The following CLCN7 variants were observed in gnomAD, a reference collection of about 807,000 sequenced individuals.
CLCN7 encodes Cl-/H+ antiporter 7, also known as H(+)/Cl(-) exchange transporter 7.
Under a neutral mutation model 102.1 loss-of-function variants are expected in CLCN7, and 60 were observed. The observed-to-expected ratio is 0.59, with a 90% CI of 0.48 to 0.73. The LOEUF (loss-of-function observed/expected upper bound fraction) is 0.73, where lower values mean the gene tolerates loss of function less well. CLCN7 is among the 30% of genes least tolerant of loss of function. The pLI, the probability that CLCN7 is intolerant of heterozygous loss-of-function variation, is 0.00. For missense variants in CLCN7, 962 were observed against 1,125.7 expected (o/e 0.85, Z 2.08); for synonymous variants, 560 against 490.5 (o/e 1.14, Z -1.87).
chr16:1,461,881 T>G (rs1390527286), intron 2 of CLCN7, among the ~76,000 whole-genome samples: 1 of 151,746 alleles, frequency 6.6e-6, no homozygotes, highest in Non-Finnish European at 1.5e-5. Context: ...GGTCAGGAGT[T>G]CGAGACCAGC....
intron 1 of CLCN7, among the ~76,000 whole-genome samples, chr16:1,465,889 G>C (rs184933002): frequency 2.7e-4 from 41 of 152,352 alleles, no homozygotes; most frequent in Admixed American, 2.0e-3. Context: ...CCCCAGCTCA[G>C]GGCAGGGGCA....
In CLCN7 at chr16:1,448,400, G is replaced by A. The variant is rs773712824; in HGVS notation, c.1968C>T (p.Ser656=). The change falls in exon 21 of 25, where the codon TCC becomes TCT. Residue 656 remains serine (S), a synonymous_variant. Transcript: ENST00000382745. ...VIVDVLSDTA[S]NHNGFPVVEH... ...CCACCACGGGGAAGCCGTTGTGATT[G>A]GACGCCGTGTCGCTCAGCACGTCCA... 2.6e-5 allele frequency: 42 copies of A among 1,612,624 alleles called. No individual in the cohort carries two copies. Among genetic ancestry groups the A allele is most frequent in the South Asian group, 5.5e-5 (5 of 91,082 alleles).
chr16:1,473,856 C>T (rs1310628764), intron 1 of CLCN7, among the ~76,000 whole-genome samples: 2 of 151,864 alleles, frequency 1.3e-5, no homozygotes, highest in African/African-American at 2.4e-5. Flanking sequence ...GGCTGAGGTG[C>T]GGGGGATCAC....
In CLCN7 at chr16:1,464,845, C is replaced by T. The variant is rs1475909665; in HGVS notation, c.213+422G>A. Among the ~76,000 whole-genome samples the T allele has an allele frequency of 2.6e-5, 4 of 152,314 alleles. No individual in the cohort carries two copies. In the East Asian group the frequency reaches 5.8e-4, roughly 22 times the overall value. On this transcript the variant is annotated intron_variant, in intron 2 of 24. Transcript: ENST00000382745. ...GAGATGCCCCCGAGGGGAAGGAAGA[C>T]GAGCACGCTGCCGCTGAGCTCAGGA... is the stretch of plus-strand genomic sequence containing the variant.
chr16:1,464,959 C>T (rs2038984578), intron 2 of CLCN7, among the ~76,000 whole-genome samples: 1 of 131,060 alleles, frequency 7.6e-6, no homozygotes, highest in Non-Finnish European at 1.8e-5. Context: ...TCCTGGGGCT[C>T]CTCACTGCCC....
intron 19 of CLCN7, 37 bp from the exon 20 acceptor site, chr16:1,448,803 C>G: frequency 6.2e-7 from 1 of 1,604,636 alleles, no homozygotes; most frequent in African/African-American, 1.3e-5. Context: ...TTGAGGAGTC[C>G]ACACCCACCC....
At chr16:1,446,962 G>C (rs2038656784) in intron 24 of CLCN7, 44 bp downstream of exon 24, 6 of 1,503,150 alleles carry the variant, frequency 4.0e-6, no homozygotes, top group Non-Finnish European at 4.5e-6. Context: ...GAGGCAGAGG[G>C]GAGCCCTGCA....
Position 1,451,716 on chromosome 16 carries a change from G to C in CLCN7, c.1354C>G (p.Leu452Val), listed in dbSNP as rs781106093. The C allele has an allele frequency of 6.2e-7, 1 of 1,612,058 alleles. No homozygotes were observed. Among genetic ancestry groups the C allele is most frequent in the Non-Finnish European group, 8.5e-7 (1 of 1,179,664 alleles). The change falls in exon 16 of 25, where the codon CTC (leucine) becomes GTC (valine). Residue 452 changes from leucine to valine, a missense_variant and splice_region_variant. By Grantham distance (32) the Leu-to-Val change is conservative. Transcript: ENST00000382745. ...TTGTACTCGCCATCTGCACAAAAGA[G>C]CTGTGGGGTCGGGAGAGAGCACACG... ...QGGSMSYPLQ[L>V]FCADGEYNSM... is the part of the protein sequence containing the mutation.
intron 2 of CLCN7, among the ~76,000 whole-genome samples, chr16:1,462,665 C>CAAAAAAAAAAAAAAAAAAAA (rs67969666): frequency 8.3e-5 from 3 of 36,174 alleles, no homozygotes; most frequent in African/African-American, 7.9e-5. Flanking sequence ...AAAAAAAAGC[C>CAAAAAAAAAAAAAAAAAAAA]AAAAAAAAAA....
intron 18 of CLCN7, 36 bp downstream of exon 18, chr16:1,449,240 G>A (rs1476564768): frequency 1.3e-6 from 2 of 1,571,522 alleles, no homozygotes; most frequent in Non-Finnish European, 8.6e-7. Context: ...AGACCCCGTG[G>A]AGCTCCCCAC....
chr16:1,454,989 G>A (rs1376466395), intron 12 of CLCN7, 145 bp downstream of exon 12: 5 of 674,608 alleles, frequency 7.4e-6, no homozygotes, highest in Middle Eastern at 2.5e-4. Flanking sequence ...AGCCCCTCGG[G>A]GCCCTGGAGC....
At chr16:1,465,238 C>T (rs375944797) in intron 2 of CLCN7, 29 bp downstream of exon 2, 71 of 1,602,146 alleles carry the variant, frequency 4.4e-5, no homozygotes, top group African/African-American at 3.1e-4. Flanking sequence ...GCTAGCTCTG[C>T]GGGAGGACGG....
chr16:1,446,149 G>A lies in CLCN7; in HGVS notation c.*482C>T. The A allele has an allele frequency of 1.7e-6, 1 of 603,300 alleles. No individual in the cohort carries two copies. Among genetic ancestry groups the A allele is most frequent in the Non-Finnish European group, 2.9e-6 (1 of 339,924 alleles). The allele number at this position is 603,300 out of a possible 1,614,324, so 37.4% of individuals were successfully genotyped here. A position where few individuals can be genotyped will look rare whatever the true frequency, so the allele number is the denominator to read the frequency against. ...CAGGCCCAGGGACCACAGGCCGTCT[G>A]CTCATGGCTGAAAATGAGGCCAAGC... On this transcript the variant is annotated 3_prime_UTR_variant, in exon 25 of 25. Transcript: ENST00000382745.
chr16:1,465,146 T>C, intron 2 of CLCN7, 121 bp downstream of exon 2: 2 of 849,542 alleles, frequency 2.4e-6, no homozygotes, highest in South Asian at 2.8e-5. Context: ...AAGGAAATCT[T>C]CCCTGAACCC....
chr16:1,473,714 C>G (rs2039111111), intron 1 of CLCN7, among the ~76,000 whole-genome samples: 1 of 151,968 alleles, frequency 6.6e-6, no homozygotes, highest in Admixed American at 6.6e-5. Context: ...GTTTAAAGGA[C>G]TAGACAAGAG....
In CLCN7 at chr16:1,457,238, C is replaced by T; in HGVS notation, c.822+16G>A. 6.2e-7 allele frequency: 1 copy of T among 1,613,026 alleles called. No individual in the cohort carries two copies. Among genetic ancestry groups the T allele is most frequent in the East Asian group, 2.2e-5 (1 of 44,866 alleles). On this transcript the variant is annotated intron_variant, in intron 9 of 24. Transcript: ENST00000382745. This position sits in a 1 kb window ranked among gnomAD's most constrained non-coding sequence, Gnocchi z 5.4. ...CCATGGCATCTGGAGCCCACCCACA[C>T]AAGATTTCAACTCACCTTGAAATCT...
rs577546666 is a variant in CLCN7, at chr16:1,470,295, C to T, written c.141+4539G>A. Among the ~76,000 whole-genome samples the T allele has an allele frequency of 2.0e-4, 30 of 152,308 alleles. 1 individual carries two copies. In the South Asian group the frequency reaches 5.0e-3, roughly 25 times the overall value. On this transcript the variant is annotated intron_variant, in intron 1 of 24. Transcript: ENST00000382745. ...GAGAGGCGTGCACCACCATGCCTGG[C>T]TCAAAATGGTAAATTTATGGTATGT...
In CLCN7 at chr16:1,448,262, C is replaced by G. The variant is rs938102498; in HGVS notation, c.2013+93G>C. 12 of 1,542,366 alleles carry G rather than the reference C, an allele frequency of 7.8e-6. No homozygotes were observed. In the African/African-American group the frequency reaches 1.6e-4, roughly 21 times the overall value. ...ACTGCCAGTGCACCCAAACGTGCAG[C>G]TTCCCCATCCTGCAAACCTTGCCGT... On this transcript the variant is annotated intron_variant, in intron 21 of 24. Transcript: ENST00000382745.
At chr16:1,449,181 C>T (rs1246905585) in intron 18 of CLCN7, 88 bp from the exon 19 acceptor site, 2 of 1,586,022 alleles carry the variant, frequency 1.3e-6, no homozygotes, top group South Asian at 1.1e-5. Flanking sequence ...CCCATCCCAT[C>T]CACCTGCTCC....
Sources: gnomAD v4.1 joint callset for allele counts (sites outside exome capture counted in the v4.1 genomes callset) on GRCh38, gnomAD v4.1.1 for gene constraint, Gnocchi (gnomAD v3.1) non-coding constraint, MANE v1.5 for transcripts, NCBI Gene and HGNC (gene_info 2026-07-23, HGNC 2026-07-21) for gene names.